STOX2: variants seen among roughly 807,000 people sequenced by gnomAD.
The protein encoded by STOX2 is storkhead box 2, also known as storkhead-box protein 2.
Under a neutral mutation model 60.9 loss-of-function variants are expected in STOX2, and 28 were observed. That is an observed-to-expected ratio of 0.46 (90% CI 0.34 to 0.63). The LOEUF is 0.63. Ranked by LOEUF, STOX2 falls within the 30% of genes least tolerant of loss-of-function variation. The pLI is 0.01. For missense variants in STOX2, 1,024 were observed against 1,187.7 expected, an observed-to-expected ratio of 0.86 and a Z score of 2.03; for synonymous variants, 472 against 463.9, an observed-to-expected ratio of 1.02 and a Z score of -0.22.
At chr4:183,815,707 T>C in intron 1 of STOX2, among the ~76,000 whole-genome samples, 1 of 152,206 alleles carries the variant, frequency 6.6e-6, no homozygotes, top group East Asian at 1.9e-4. Context: ...ACTTTATTGT[T>C]ACTGTTCAAC....
At chr4:183,893,152 G>A (rs982452545) in intron 1 of STOX2, among the ~76,000 whole-genome samples, 1 of 148,714 alleles carries the variant, frequency 6.7e-6, no homozygotes, top group Non-Finnish European at 1.5e-5. Context: ...TTAATTTATT[G>A]CCTTCTGGTT....
chr4:183,808,599 G>A (rs1738964169), intron 1 of STOX2, among the ~76,000 whole-genome samples: 2 of 152,186 alleles, frequency 1.3e-5, no homozygotes, highest in South Asian at 4.1e-4. Flanking sequence ...AAAGCAGTAC[G>A]TTTTAAATAT....
intron 1 of STOX2, among the ~76,000 whole-genome samples, chr4:183,807,068 G>A (rs1303703820): frequency 6.6e-6 from 1 of 152,022 alleles, no homozygotes. Context: ...CGTCTCCCGG[G>A]TTCACGCCAT....
chr4:183,957,341 G>A (rs1307514715), intron 1 of STOX2, among the ~76,000 whole-genome samples: 1 of 152,014 alleles, frequency 6.6e-6, no homozygotes, highest in Non-Finnish European at 1.5e-5. Context: ...TGTATGAATA[G>A]CTTGTTTTCC....
chr4:183,798,606 A>G, intron 1 of STOX2: 1 of 985,052 alleles, frequency 1.0e-6, no homozygotes, highest in South Asian at 4.7e-5. Flanking sequence ...TCAACGAGGC[A>G]AGGCTGCAGA....
upstream of STOX2, among the ~76,000 whole-genome samples, chr4:183,901,388 A>G (rs1331594163): frequency 1.3e-5 from 2 of 152,166 alleles, no homozygotes; most frequent in African/African-American, 4.8e-5. Flanking sequence ...TGGTCCAGAT[A>G]TCTCTTCGAG....
chr4:183,952,051 G>A (rs1368559210), intron 1 of STOX2, among the ~76,000 whole-genome samples: 1 of 152,198 alleles, frequency 6.6e-6, no homozygotes, highest in Non-Finnish European at 1.5e-5. Context: ...TTTGCGGTGA[G>A]ATAAACAACA....
intron 1 of STOX2, among the ~76,000 whole-genome samples, chr4:183,892,322 A>G (rs1741236772): frequency 2.0e-5 from 3 of 152,220 alleles, no homozygotes; most frequent in South Asian, 4.1e-4. Context: ...TCTGTCGCCC[A>G]GGCTGGAGTG....
intron 1 of STOX2, among the ~76,000 whole-genome samples, chr4:183,884,001 C>T (rs559139535): frequency 3.5e-4 from 53 of 151,858 alleles, no homozygotes; most frequent in East Asian, 2.4e-3. Flanking sequence ...TACAGGCGCC[C>T]GCCACCACGC....
chr4:183,888,324 T>C (rs1378990592), intron 1 of STOX2, among the ~76,000 whole-genome samples: 2 of 152,214 alleles, frequency 1.3e-5, no homozygotes, highest in Admixed American at 1.3e-4. Flanking sequence ...GATTCACTTA[T>C]TCAAGCTTCA....
chr4:184,013,525 A>G (rs1734243365), intron 3 of STOX2, among the ~76,000 whole-genome samples: 1 of 152,198 alleles, frequency 6.6e-6, no homozygotes, highest in Non-Finnish European at 1.5e-5. Flanking sequence ...TGTATCACCT[A>G]TACATGTTAT....
At position 184,019,802 on chromosome 4, in the gene STOX2, G is replaced by A. The variant is rs895425358; in HGVS notation, c.*2518G>A. The A allele has an allele frequency of 6.6e-6, 1 of 152,176 alleles. No homozygotes were observed. Among genetic ancestry groups the A allele is most frequent in the African/African-American group, 2.4e-5 (1 of 41,436 alleles). 9.4% of individuals were successfully genotyped at this position (152,176 alleles called of 1,614,324 possible). A position where few individuals can be genotyped will look rare whatever the true frequency, so the allele number is the denominator to read the frequency against. On this transcript the variant is annotated 3_prime_UTR_variant, in exon 4 of 4. Coordinates refer to ENST00000308497, the MANE Select transcript of STOX2 (RefSeq NM_020225.3). ...ATCTGATCGAGATTCTTGAATGGGGGAGGAGTGGCAGCCGGCAGCACATTG... is the reference window on the plus strand; with the variant it reads ...ATCTGATCGAGATTCTTGAATGGGGAAGGAGTGGCAGCCGGCAGCACATTG...
rs1269351213 is a variant in STOX2, at chr4:183,921,083, G to A, written c.166+14127G>A. On this transcript the variant is annotated intron_variant, in intron 1 of 3. Coordinates refer to ENST00000308497, the MANE Select transcript of STOX2 (RefSeq NM_020225.3). ...TTCGGTTTAGCACAGTCTAATTTCT[G>A]CCATCTGTTGTTGTAAGAGTTAGAC... 3.3e-5 allele frequency among the ~76,000 whole-genome samples: 5 copies of A among 152,258 alleles called. 1 individual carries two copies. The East Asian group carries it at 5.8e-4, about 18-fold the overall frequency.
chr4:183,964,070 C>G (rs1351004051), intron 1 of STOX2, among the ~76,000 whole-genome samples: 1 of 152,204 alleles, frequency 6.6e-6, no homozygotes, highest in Non-Finnish European at 1.5e-5. Context: ...CCACCGCGCC[C>G]AGCTTTCTTT....
At chr4:183,857,419 A>G (rs28735431) in intron 1 of STOX2, among the ~76,000 whole-genome samples, 2 of 11,940 alleles carry the variant, frequency 1.7e-4, no homozygotes, top group African/African-American at 5.4e-4. Context: ...TGGTCATCCC[A>G]CAGGACTGGT....
Position 183,873,722 on chromosome 4 carries a change from A to G in STOX2, c.364+75667A>G, listed in dbSNP as rs77231700. Among the ~76,000 whole-genome samples the G allele has an allele frequency of 6.3e-4, 96 of 152,314 alleles. 2 individuals are homozygous for G. The East Asian group carries it at 0.011, about 17-fold the overall frequency. On this transcript the variant is annotated intron_variant, in intron 1 of 2. Transcript: ENST00000513034. ...GCTTTGAGTTCTTTGGAAGAAAGCT[A>G]CTTAAATCAGGCATATAATTAGTTT...
At chr4:183,918,046 A>G (rs1741981347) in intron 1 of STOX2, among the ~76,000 whole-genome samples, 1 of 152,232 alleles carries the variant, frequency 6.6e-6, no homozygotes, top group South Asian at 2.1e-4. Flanking sequence ...TTTCTTTTGG[A>G]ACAGAACTAT....
At chr4:183,858,385 C>G (rs972633705) in intron 1 of STOX2, among the ~76,000 whole-genome samples, 5 of 152,224 alleles carry the variant, frequency 3.3e-5, no homozygotes, top group Non-Finnish European at 7.3e-5. Flanking sequence ...AGTCAGCCAC[C>G]CACCCGGCAG....
chr4:183,881,883 G>A (rs756455283), intron 1 of STOX2, among the ~76,000 whole-genome samples: 10 of 152,144 alleles, frequency 6.6e-5, no homozygotes, highest in Non-Finnish European at 1.5e-4. Flanking sequence ...ACATCTTTGG[G>A]TATTCTCCAT....
Sources: allele counts gnomAD v4.1 joint callset (sites outside exome capture counted in the v4.1 genomes callset), GRCh38; gene constraint gnomAD v4.1.1; transcripts MANE v1.5; gene names NCBI Gene and HGNC (gene_info 2026-07-23, HGNC 2026-07-21).